CCL26: variants seen among roughly 807,000 people sequenced by gnomAD.
CCL26 encodes the protein C-C motif chemokine 26.
Under a neutral mutation model 10.7 loss-of-function variants are expected in CCL26, and 10 were observed. The observed-to-expected ratio is 0.93, with a 90% CI of 0.57 to 1.58. CCL26 has a LOEUF of 1.58. CCL26 is among the 40% of genes most tolerant of loss of function. The probability of loss-of-function intolerance (pLI) is 0.00; values close to 1 mark genes in which losing one functional copy is unlikely to be tolerated. For missense variants in CCL26, 116 were observed against 111.0 expected, an observed-to-expected ratio of 1.05 and a Z score of -0.20; for synonymous variants, 43 against 41.4, an observed-to-expected ratio of 1.04 and a Z score of -0.15.
chr7:75,772,074 C>A, intron 1 of CCL26, 30 bp downstream of exon 1: 1 of 1,607,010 alleles, frequency 6.2e-7, no homozygotes, highest in Non-Finnish European at 8.5e-7. Context: ...CGGGAAGGAA[C>A]CCCAGGAGGG....
chr7:75,791,547 T>G (rs559663159), upstream of CCL26, among the ~76,000 whole-genome samples: 1 of 152,188 alleles, frequency 6.6e-6, no homozygotes, highest in Admixed American at 6.5e-5. Context: ...TCCCAGGGTC[T>G]AGGCTGCCAT....
upstream of CCL26, among the ~76,000 whole-genome samples, chr7:75,773,885 A>C (rs187617913): frequency 2.1e-4 from 32 of 152,018 alleles, no homozygotes; most frequent in East Asian, 4.1e-3. Flanking sequence ...CTCTGTCACA[A>C]AAAAAAAGAA....
intron 1 of CCL26, among the ~76,000 whole-genome samples, chr7:75,782,791 C>T (rs1803093268): frequency 6.6e-6 from 1 of 152,154 alleles, no homozygotes; most frequent in Non-Finnish European, 1.5e-5. Flanking sequence ...TTAGTCCCTC[C>T]CTAGTCTCTG....
intron 1 of CCL26, among the ~76,000 whole-genome samples, chr7:75,777,762 AAAGAATAATGTTG>A (rs1802974190): frequency 6.9e-6 from 1 of 145,792 alleles, no homozygotes; most frequent in African/African-American, 2.5e-5. Flanking sequence ...GCTAGATAAG[AAAGAATAATGTTG>A]TAGGATTCCA....
chr7:75,780,909 A>G (rs1160999213), intron 1 of CCL26, among the ~76,000 whole-genome samples: 10 of 151,994 alleles, frequency 6.6e-5, no homozygotes, highest in African/African-American at 1.9e-4. Flanking sequence ...GTTTCGTTCC[A>G]TGACTAGCCC....
chr7:75,771,809 C>T (rs1802827076), intron 2 of CCL26, 80 bp downstream of exon 2: 2 of 878,510 alleles, frequency 2.3e-6, no homozygotes, highest in East Asian at 2.4e-5. Context: ...CATCCCAAGG[C>T]TCATCCTGGG....
Position 75,772,018 on chromosome 7 carries a change from G to A in CCL26, c.74-15C>T. Reference sequence around the variant, plus strand: ...GTCACTCCCACCTAAAAATCAGGGAGAGGAAGGGTTTGGAGATACTCATTT... The same window carrying A: ...GTCACTCCCACCTAAAAATCAGGGAAAGGAAGGGTTTGGAGATACTCATTT... On this transcript the variant is annotated splice_polypyrimidine_tract_variant and intron_variant, in intron 1 of 2. Coordinates refer to ENST00000005180, the MANE Select transcript of CCL26 (RefSeq NM_001371938.1). 2 of 1,610,084 alleles carry A rather than the reference G, an allele frequency of 1.2e-6. No individual in the cohort carries two copies. Among genetic ancestry groups the A allele is most frequent in the Non-Finnish European group, 1.7e-6 (2 of 1,176,240 alleles).
upstream of CCL26, among the ~76,000 whole-genome samples, chr7:75,774,316 A>C (rs978077469): frequency 5.9e-5 from 9 of 151,958 alleles, no homozygotes; most frequent in Middle Eastern, 6.8e-3. Flanking sequence ...CGCCCGGCTA[A>C]TTTTGTATTT....
chr7:75,779,194 C>T lies in CCL26; in HGVS notation c.-78-6940G>A, dbSNP rs7777097. Among the ~76,000 whole-genome samples, 1,119 of 152,248 alleles carry T rather than the reference C, an allele frequency of 7.3e-3. 13 individuals are homozygous for T. Among genetic ancestry groups the T allele is most frequent in the African/African-American group, 0.025 (1,050 of 41,540 alleles). ...CAAATCCTATAAAACAGCCCCACCCCTATCTCCCTTCGCTGACTCTTTTCA... is the reference window on the plus strand; with the variant it reads ...CAAATCCTATAAAACAGCCCCACCCTTATCTCCCTTCGCTGACTCTTTTCA... On this transcript the variant is annotated intron_variant, in intron 1 of 3. Transcript: ENST00000394905.
chr7:75,782,628 C>T (rs1327239229), intron 1 of CCL26, among the ~76,000 whole-genome samples: 1 of 152,148 alleles, frequency 6.6e-6, no homozygotes, highest in African/African-American at 2.4e-5. Flanking sequence ...TTTTCTTCTG[C>T]AATACCGCTT....
upstream of CCL26, among the ~76,000 whole-genome samples, chr7:75,773,470 G>T (rs1459230332): frequency 1.3e-5 from 2 of 152,016 alleles, no homozygotes; most frequent in Non-Finnish European, 2.9e-5. Flanking sequence ...GGCCCAGGTT[G>T]GTCTTAAACT....
chr7:75,771,619 G>T (rs1441162107), intron 2 of CCL26, among the ~76,000 whole-genome samples: 5 of 152,214 alleles, frequency 3.3e-5, no homozygotes, highest in Non-Finnish European at 7.3e-5. Context: ...GGGAGGCTGA[G>T]GCAGGAAAAT....
At chr7:75,776,788 C>T (rs1270572293), upstream of CCL26, among the ~76,000 whole-genome samples, 5 of 152,104 alleles carry the variant, frequency 3.3e-5, no homozygotes, top group African/African-American at 1.2e-4. Flanking sequence ...TGGAAAAAGA[C>T]AGAAAACATC....
At chr7:75,778,432 A>G (rs1802988048) in intron 1 of CCL26, among the ~76,000 whole-genome samples, 2 of 140,666 alleles carry the variant, frequency 1.4e-5, no homozygotes, top group Non-Finnish European at 3.0e-5. Flanking sequence ...TTTGGTAGAG[A>G]TGAGGTTTTG....
At chr7:75,791,211 G>A (rs1438990946), upstream of CCL26, among the ~76,000 whole-genome samples, 4 of 151,672 alleles carry the variant, frequency 2.6e-5, no homozygotes, top group African/African-American at 9.7e-5. Flanking sequence ...ATTTTTAGTA[G>A]AGACAAGGTT....
chr7:75,776,930 C>T (rs1802954879), upstream of CCL26, among the ~76,000 whole-genome samples: 1 of 152,112 alleles, frequency 6.6e-6, no homozygotes, highest in Non-Finnish European at 1.5e-5. Flanking sequence ...AGGCATGTAC[C>T]CGTCAGAAAC....
At chr7:75,784,681 T>G (rs1803142597) in intron 1 of CCL26, among the ~76,000 whole-genome samples, 1 of 152,170 alleles carries the variant, frequency 6.6e-6, no homozygotes, top group Non-Finnish European at 1.5e-5. Context: ...AGCTCCCTTA[T>G]TAGGTTCAGA....
intron 1 of CCL26, among the ~76,000 whole-genome samples, chr7:75,783,394 A>C (rs1160292002): frequency 6.6e-6 from 1 of 152,172 alleles, no homozygotes; most frequent in Non-Finnish European, 1.5e-5. Flanking sequence ...GAGATCCAAA[A>C]TGGAACTATC....
chr7:75,781,801 A>G (rs782343794), intron 1 of CCL26, among the ~76,000 whole-genome samples: 1 of 151,762 alleles, frequency 6.6e-6, no homozygotes, highest in African/African-American at 2.4e-5. Context: ...TCCAAATCCT[A>G]TAAAACAGCC....
Sources: allele counts gnomAD v4.1 joint callset (sites outside exome capture counted in the v4.1 genomes callset), GRCh38; gene constraint gnomAD v4.1.1; transcripts MANE v1.5; gene names NCBI Gene and HGNC (gene_info 2026-07-23, HGNC 2026-07-21).